NBAS: variants seen among roughly 807,000 people sequenced by gnomAD.
NBAS encodes NAG/BC035112 fusion.
A neutral mutation model predicts 302.5 loss-of-function variants in NBAS; 219 were observed. That is an observed-to-expected ratio of 0.72 (90% CI 0.65 to 0.81). The LOEUF is 0.81. Ranked by LOEUF, NBAS falls within the 30% of genes least tolerant of loss-of-function variation. The probability of loss-of-function intolerance (pLI) is 0.00; values close to 1 mark genes in which losing one functional copy is unlikely to be tolerated. For synonymous variants in NBAS, 1,118 were observed against 1,021.6 expected (o/e 1.09, Z -1.80); for missense variants, 2,932 against 2,841.6 (o/e 1.03, Z -0.72).
intron 18 of NBAS, 61 bp downstream of exon 18, chr2:15,467,603 C>A: frequency 6.7e-7 from 1 of 1,497,930 alleles, no homozygotes; most frequent in Non-Finnish European, 9.3e-7. Flanking sequence ...TAGTAAGGAA[C>A]ACACTGAAAT....
At chr2:15,453,843 A>G (rs926551014) in intron 21 of NBAS, among the ~76,000 whole-genome samples, 1 of 151,914 alleles carries the variant, frequency 6.6e-6, no homozygotes, top group Admixed American at 6.6e-5. Flanking sequence ...CAGTGGCGCA[A>G]TCTTGGCTCA....
At chr2:15,184,447 A>G (rs1664977291) in intron 50 of NBAS, among the ~76,000 whole-genome samples, 2 of 152,050 alleles carry the variant, frequency 1.3e-5, no homozygotes, top group South Asian at 4.2e-4. Context: ...CTGCAACTAG[A>G]TGGTCCCACC....
At chr2:14,849,968 G>T in the NBAS span, among the ~76,000 whole-genome samples, 1 of 139,242 alleles carries the variant, frequency 7.2e-6, no homozygotes, top group African/African-American at 3.3e-5. Context: ...ACGAGCCGCT[G>T]CAAAATCATG....
chr2:15,122,458 G>T, the NBAS span, among the ~76,000 whole-genome samples: 1 of 152,106 alleles, frequency 6.6e-6, no homozygotes, highest in Non-Finnish European at 1.5e-5. Context: ...GCAAAAACTC[G>T]CTCATCAGCA....
chr2:15,473,371 G>A, intron 15 of NBAS, 24 bp from the exon 16 acceptor site: 1 of 1,612,552 alleles, frequency 6.2e-7, no homozygotes. Context: ...CACGAGGACA[G>A]GAATGTTACA....
chr2:14,981,866 C>T, the NBAS span, among the ~76,000 whole-genome samples: 1 of 152,028 alleles, frequency 6.6e-6, no homozygotes, highest in Admixed American at 6.6e-5. Flanking sequence ...GCAGTGTTAC[C>T]CTAACATGGT....
chr2:15,289,671 G>A (rs1670212823), intron 41 of NBAS, among the ~76,000 whole-genome samples: 1 of 152,094 alleles, frequency 6.6e-6, no homozygotes, highest in South Asian at 2.1e-4. Context: ...TAAAGGACAG[G>A]TACAATGCAC....
At chr2:14,784,755 T>A in the NBAS span, among the ~76,000 whole-genome samples, 2 of 152,222 alleles carry the variant, frequency 1.3e-5, no homozygotes, top group East Asian at 3.8e-4. Flanking sequence ...GGTAGCATGA[T>A]GCCTCCAGCT....
At chr2:14,834,140 T>A in the NBAS span, among the ~76,000 whole-genome samples, 2 of 152,132 alleles carry the variant, frequency 1.3e-5, no homozygotes, top group African/African-American at 4.8e-5. Flanking sequence ...GGTCTTTCTG[T>A]CATGTATTGA....
At chr2:15,095,469 G>C in the NBAS span, among the ~76,000 whole-genome samples, 2 of 152,166 alleles carry the variant, frequency 1.3e-5, no homozygotes, top group African/African-American at 4.8e-5. Flanking sequence ...AGAACAGTAT[G>C]GAAGAAATCA....
chr2:15,128,314 C>T, the NBAS span, among the ~76,000 whole-genome samples: 238 of 152,322 alleles, frequency 1.6e-3, no homozygotes, highest in African/African-American at 5.5e-3. Flanking sequence ...TCCAGACCTA[C>T]TGGGGCTGTT....
the NBAS span, among the ~76,000 whole-genome samples, chr2:14,800,119 G>A: frequency 6.6e-6 from 1 of 151,982 alleles, no homozygotes; most frequent in Admixed American, 6.6e-5. Context: ...TTTATTCTTT[G>A]TTTCCTTTTA....
chr2:15,196,541 G>A (rs983439617), intron 48 of NBAS, among the ~76,000 whole-genome samples: 1 of 152,016 alleles, frequency 6.6e-6, no homozygotes, highest in African/African-American at 2.4e-5. Flanking sequence ...AATGCAATCA[G>A]AACAAACTTC....
intron 38 of NBAS, among the ~76,000 whole-genome samples, chr2:15,311,130 T>C (rs760340582): frequency 2.6e-5 from 4 of 152,202 alleles, no homozygotes; most frequent in African/African-American, 4.8e-5. Flanking sequence ...CATAACACCC[T>C]AAGTATGGTG....
intron 26 of NBAS, among the ~76,000 whole-genome samples, chr2:15,399,474 T>C (rs2148422949): frequency 6.6e-6 from 1 of 152,284 alleles, no homozygotes; most frequent in South Asian, 2.1e-4. Context: ...TTTACCTGCC[T>C]TTGGCTGCCT....
intron 44 of NBAS, among the ~76,000 whole-genome samples, chr2:15,254,188 C>T (rs184668817): frequency 6.6e-6 from 1 of 152,100 alleles, no homozygotes; most frequent in African/African-American, 2.4e-5. Context: ...CCCAGACCCA[C>T]CCAGAAGCAA....
At chr2:14,878,844 T>C in the NBAS span, among the ~76,000 whole-genome samples, 1 of 152,174 alleles carries the variant, frequency 6.6e-6, no homozygotes, top group Non-Finnish European at 1.5e-5. Flanking sequence ...TAGGGTTTGC[T>C]GTTTGTGTTG....
the NBAS span, among the ~76,000 whole-genome samples, chr2:15,063,995 C>T: frequency 6.6e-6 from 1 of 152,076 alleles, no homozygotes; most frequent in Non-Finnish European, 1.5e-5. Context: ...GAAGCTGGGA[C>T]ACAGAAGAAA....
chr2:14,811,144 A>C, the NBAS span, among the ~76,000 whole-genome samples: 1 of 152,182 alleles, frequency 6.6e-6, no homozygotes, highest in African/African-American at 2.4e-5. Flanking sequence ...GTGGTGGTTC[A>C]TGTCTATAAT....
Sources: gnomAD v4.1 joint callset for allele counts (sites outside exome capture counted in the v4.1 genomes callset) on GRCh38, gnomAD v4.1.1 for gene constraint, MANE v1.5 for transcripts, NCBI Gene and HGNC (gene_info 2026-07-23, HGNC 2026-07-21) for gene names.